The following CAMK1G variants were observed in gnomAD, a reference collection of about 807,000 sequenced individuals.
CAMK1G encodes calcium/calmodulin-dependent protein kinase type 1G.
A neutral mutation model predicts 54.8 loss-of-function variants in CAMK1G; 27 were observed. The ratio of observed to expected loss-of-function variants is 0.49; its 90% CI spans 0.36 to 0.68. The LOEUF is 0.68. Among genes scored for constraint, CAMK1G ranks in the 30% least tolerant of loss-of-function variants. The pLI, the probability that CAMK1G is intolerant of heterozygous loss-of-function variation, is 0.00. For missense variants in CAMK1G, 512 were observed against 591.0 expected (o/e 0.87, Z 1.39); for synonymous variants, 238 against 224.9 (o/e 1.06, Z -0.52).
At chr1:209,599,312 A>G (rs1216289726) in intron 2 of CAMK1G, among the ~76,000 whole-genome samples, 1 of 152,214 alleles carries the variant, frequency 6.6e-6, no homozygotes, top group Non-Finnish European at 1.5e-5. Context: ...TCAGCAACAT[A>G]GTGAAGCCCC....
chr1:209,589,507 G>T (rs1016380850), intron 1 of CAMK1G, among the ~76,000 whole-genome samples: 4 of 152,150 alleles, frequency 2.6e-5, no homozygotes, highest in African/African-American at 9.7e-5. Flanking sequence ...GCAATATAAA[G>T]AATACATCCA....
At chr1:209,588,905 C>T (rs760287138) in intron 1 of CAMK1G, among the ~76,000 whole-genome samples, 2 of 152,262 alleles carry the variant, frequency 1.3e-5, no homozygotes, top group Non-Finnish European at 2.9e-5. Flanking sequence ...TCAGAGGCAG[C>T]GTCCACCCCA....
At chr1:209,595,385 G>C (rs919766318) in intron 2 of CAMK1G, among the ~76,000 whole-genome samples, 1 of 152,170 alleles carries the variant, frequency 6.6e-6, no homozygotes, top group Non-Finnish European at 1.5e-5. Flanking sequence ...TTGCGCTACT[G>C]TATTCCAGCC....
At chr1:209,611,574 G>C (rs572441433) in intron 10 of CAMK1G, 22 bp downstream of exon 10, 1 of 1,603,234 alleles carries the variant, frequency 6.2e-7, no homozygotes, top group Non-Finnish European at 8.5e-7. Context: ...TCTCCAGGGG[G>C]TGGGAAAGCT....
In CAMK1G at chr1:209,612,892, C is replaced by T. The variant is rs753958376; in HGVS notation, c.*17C>T. On this transcript the variant is annotated 3_prime_UTR_variant, in exon 12 of 13. Transcript: ENST00000361322. ...ATTATGTGATTCCTGGAGCCTGTGC[C>T]TATGTCACTGCAATTTTCAGGTTAG... 8.4e-6 allele frequency: 13 copies of T among 1,545,486 alleles called. No homozygotes were observed. Among genetic ancestry groups the T allele is most frequent in the Non-Finnish European group, 9.8e-6 (11 of 1,118,390 alleles).
At chr1:209,607,093 A>C (rs1665669568) in intron 6 of CAMK1G, among the ~76,000 whole-genome samples, 1 of 152,090 alleles carries the variant, frequency 6.6e-6, no homozygotes, top group East Asian at 1.9e-4. Context: ...TTCCCACTTC[A>C]CCAGTCGTCA....
intron 2 of CAMK1G, among the ~76,000 whole-genome samples, chr1:209,599,029 G>A (rs1357103177): frequency 1.3e-5 from 2 of 152,206 alleles, no homozygotes; most frequent in African/African-American, 4.8e-5. Context: ...GTGGCCCCAG[G>A]AAACTGACAA....
At chr1:209,610,433 G>A (rs1665755087) in intron 9 of CAMK1G, among the ~76,000 whole-genome samples, 1 of 152,130 alleles carries the variant, frequency 6.6e-6, no homozygotes, top group Non-Finnish European at 1.5e-5. Flanking sequence ...AGCAAGCCTG[G>A]ATTCCTTTGT....
chr1:209,605,760 G>A (rs1558140114), intron 5 of CAMK1G, 86 bp downstream of exon 5: 2 of 1,405,218 alleles, frequency 1.4e-6, no homozygotes, highest in African/African-American at 2.8e-5. Context: ...GCTCCATAAA[G>A]TAAGAGGGTT....
At chr1:209,611,260 AGTTTTTGATTTT>A (rs1211154081) in intron 9 of CAMK1G, among the ~76,000 whole-genome samples, 193 bp from the exon 10 acceptor site, 3 of 152,178 alleles carry the variant, frequency 2.0e-5, no homozygotes, top group Non-Finnish European at 4.4e-5. Flanking sequence ...TTGCTCTAAA[AGTTTTTGATTTT>A]GCCAAAGCTA....
At chr1:209,590,786 G>A (rs1665226812) in intron 1 of CAMK1G, among the ~76,000 whole-genome samples, 1 of 152,118 alleles carries the variant, frequency 6.6e-6, no homozygotes, top group South Asian at 2.1e-4. Context: ...TTTGTTAAAT[G>A]TTCAAACCTT....
At chr1:209,611,715 C>T in intron 10 of CAMK1G, 77 bp from the exon 11 acceptor site, 1 of 1,554,272 alleles carries the variant, frequency 6.4e-7, no homozygotes, top group South Asian at 1.2e-5. Context: ...CAAGAGGCCA[C>T]AAGGCAAAGG....
intron 6 of CAMK1G, among the ~76,000 whole-genome samples, chr1:209,607,502 A>G (rs1007724242): frequency 1.3e-5 from 2 of 152,102 alleles, no homozygotes; most frequent in African/African-American, 4.8e-5. Flanking sequence ...AGGGAGAGAG[A>G]TCACACTTGC....
chr1:209,609,946 G>A lies in CAMK1G; in HGVS notation c.827+17G>A, dbSNP rs761635113. 2 of 1,602,140 alleles carry A rather than the reference G, an allele frequency of 1.2e-6. No individual in the cohort carries two copies. Among genetic ancestry groups the A allele is most frequent in the Admixed American group, 3.3e-5 (2 of 60,012 alleles). On this transcript the variant is annotated intron_variant, in intron 9 of 12. Coordinates refer to ENST00000361322, the MANE Select transcript of CAMK1G (RefSeq NM_020439.3). ...TCATCCCTGGTGAGTGAGACATGGA[G>A]TGGACTCTAGACCCCAGCCCTGTAG...
chr1:209,603,937 C>G (rs1447758720), intron 4 of CAMK1G, among the ~76,000 whole-genome samples: 5 of 152,188 alleles, frequency 3.3e-5, no homozygotes, highest in Non-Finnish European at 5.9e-5. Flanking sequence ...ATCCAAACAA[C>G]AGCTCTGCCT....
chr1:209,609,538 T>C (rs374200738), intron 8 of CAMK1G, among the ~76,000 whole-genome samples: 3 of 152,208 alleles, frequency 2.0e-5, no homozygotes, highest in South Asian at 4.1e-4. Flanking sequence ...TGCGTGCCCA[T>C]GTGCCAGCGC....
At chr1:209,612,663 G>A (rs1041390992) in intron 11 of CAMK1G, 122 bp from the exon 12 acceptor site, 2 of 747,142 alleles carry the variant, frequency 2.7e-6, no homozygotes, top group Non-Finnish European at 4.6e-6. Context: ...TGAACTTTCT[G>A]AACCTCATGA....
At chr1:209,600,269 C>T (rs1033827827) in intron 3 of CAMK1G, among the ~76,000 whole-genome samples, 158 bp downstream of exon 3, 1 of 148,662 alleles carries the variant, frequency 6.7e-6, no homozygotes, top group Admixed American at 6.7e-5. Flanking sequence ...TAAGTTTAGT[C>T]GGACAGCTGT....
intron 1 of CAMK1G, among the ~76,000 whole-genome samples, chr1:209,594,094 A>G (rs1436474248): frequency 6.6e-6 from 1 of 152,116 alleles, no homozygotes; most frequent in East Asian, 1.9e-4. Flanking sequence ...TCCTTCCCAA[A>G]CTTTGGGTCT....
Sources: allele counts gnomAD v4.1 joint callset (sites outside exome capture counted in the v4.1 genomes callset), GRCh38; gene constraint gnomAD v4.1.1; transcripts MANE v1.5; gene names NCBI Gene and HGNC (gene_info 2026-07-23, HGNC 2026-07-21).